Variants in HS2ST1 observed in about 807,000 individuals in gnomAD.
The protein encoded by HS2ST1 is heparan sulfate 2-O-sulfotransferase 1, also known as 2-O-sulfotransferase.
A neutral mutation model predicts 42.9 loss-of-function variants in HS2ST1; 18 were observed. That is an observed-to-expected ratio of 0.42 (90% CI 0.29 to 0.62). HS2ST1 has a LOEUF of 0.62. HS2ST1 is among the 20% of genes least tolerant of loss of function. The probability of loss-of-function intolerance (pLI) is 0.21; values close to 1 mark genes in which losing one functional copy is unlikely to be tolerated. For missense variants in HS2ST1, 334 were observed against 433.8 expected, an observed-to-expected ratio of 0.77 and a Z score of 2.04; for synonymous variants, 146 against 152.9, an observed-to-expected ratio of 0.95 and a Z score of 0.33.
At chr1:86,966,930 T>C (rs958372755) in intron 1 of HS2ST1, among the ~76,000 whole-genome samples, 1 of 152,028 alleles carries the variant, frequency 6.6e-6, no homozygotes, top group African/African-American at 2.4e-5. Flanking sequence ...TCGCTCTTGT[T>C]GCCCAGGCTG....
intron 1 of HS2ST1, among the ~76,000 whole-genome samples, chr1:86,938,872 T>C (rs752611139): frequency 5.3e-5 from 8 of 152,182 alleles, no homozygotes; most frequent in Non-Finnish European, 1.0e-4. Context: ...AAACTGCTAT[T>C]ACGACAAAGT....
At chr1:86,970,919 A>G (rs1307875457) in intron 1 of HS2ST1, among the ~76,000 whole-genome samples, 3 of 152,280 alleles carry the variant, frequency 2.0e-5, no homozygotes, top group African/African-American at 4.8e-5. Flanking sequence ...TATATATATA[A>G]TAGATGCCAG....
intron 3 of HS2ST1, 75 bp from the exon 4 acceptor site, chr1:87,092,456 A>G (rs903299876): frequency 1.0e-6 from 1 of 996,450 alleles, no homozygotes; most frequent in Non-Finnish European, 1.4e-6. Context: ...CTTCAGACTT[A>G]AACATGTAAT....
intron 1 of HS2ST1, among the ~76,000 whole-genome samples, chr1:86,977,052 A>C (rs1249751796): frequency 6.6e-6 from 1 of 152,140 alleles, no homozygotes; most frequent in Non-Finnish European, 1.5e-5. Context: ...CTTGTCTCAA[A>C]AAACAAAACA....
rs1359430359 is a variant in HS2ST1, at chr1:87,005,920, T to C, written c.125-67014T>C. Among the ~76,000 whole-genome samples the C allele has an allele frequency of 2.0e-5, 3 of 152,170 alleles. No homozygotes were observed. In the East Asian group the frequency reaches 5.8e-4, roughly 29 times the overall value. Reference sequence around the variant, plus strand: ...AGATTACGTTACTGTTGTCTCTACTTCTTCCATGTAAAGAAAATATCCTCA... The same window carrying C: ...AGATTACGTTACTGTTGTCTCTACTCCTTCCATGTAAAGAAAATATCCTCA... On this transcript the variant is annotated intron_variant, in intron 1 of 6. Transcript: ENST00000370550.
chr1:86,939,109 T>A (rs753901016), intron 1 of HS2ST1, among the ~76,000 whole-genome samples: 1 of 152,228 alleles, frequency 6.6e-6, no homozygotes, highest in Non-Finnish European at 1.5e-5. Context: ...TTACTGAGGT[T>A]ACTTTCAGTC....
intron 1 of HS2ST1, among the ~76,000 whole-genome samples, chr1:87,061,057 G>A (rs1651108347): frequency 6.6e-6 from 1 of 151,998 alleles, no homozygotes; most frequent in Non-Finnish European, 1.5e-5. Flanking sequence ...TAATGTGGAA[G>A]CATTATGTTT....
chr1:86,964,408 G>A (rs1478402689), intron 1 of HS2ST1, among the ~76,000 whole-genome samples: 1 of 152,250 alleles, frequency 6.6e-6, no homozygotes, highest in Non-Finnish European at 1.5e-5. Context: ...GGCCGAGGCT[G>A]GCAGATCACT....
chr1:86,994,806 G>A (rs776035826), intron 1 of HS2ST1, among the ~76,000 whole-genome samples: 13 of 151,878 alleles, frequency 8.6e-5, no homozygotes, highest in South Asian at 2.1e-4. Context: ...GTAGTACATC[G>A]ACCAAGTATC....
intron 1 of HS2ST1, among the ~76,000 whole-genome samples, chr1:87,038,281 C>G (rs1650433673): frequency 6.6e-6 from 1 of 152,166 alleles, no homozygotes; most frequent in Non-Finnish European, 1.5e-5. Context: ...CAAAGTCTAT[C>G]ACTACCACTG....
intron 1 of HS2ST1, among the ~76,000 whole-genome samples, chr1:87,004,666 T>TA: frequency 6.6e-6 from 1 of 152,164 alleles, no homozygotes. Flanking sequence ...ATTCCATCCA[T>TA]AGTTTGATAC....
At chr1:86,958,195 A>T (rs1283475406) in intron 1 of HS2ST1, among the ~76,000 whole-genome samples, 3 of 152,196 alleles carry the variant, frequency 2.0e-5, no homozygotes, top group Non-Finnish European at 4.4e-5. Flanking sequence ...GTAACTTTTG[A>T]CTTTCTAAAA....
At chr1:86,943,977 A>G (rs1398905635) in intron 1 of HS2ST1, among the ~76,000 whole-genome samples, 1 of 152,104 alleles carries the variant, frequency 6.6e-6, no homozygotes, top group Non-Finnish European at 1.5e-5. Context: ...CAGTGAGCCA[A>G]GACTGCGCCA....
intron 2 of HS2ST1, among the ~76,000 whole-genome samples, chr1:87,083,993 T>C (rs1264190194): frequency 6.6e-6 from 1 of 152,212 alleles, no homozygotes; most frequent in Non-Finnish European, 1.5e-5. Flanking sequence ...TTCACTCTTT[T>C]GTGAGTATAA....
intron 2 of HS2ST1, among the ~76,000 whole-genome samples, chr1:87,075,161 CTTTTT>C (rs34812948): frequency 2.1e-5 from 1 of 48,596 alleles, no homozygotes; most frequent in South Asian, 7.8e-4. Flanking sequence ...TCTCAGCTAC[CTTTTT>C]TTTTTTTTTT....
chr1:87,065,221 T>C (rs1015974672), intron 1 of HS2ST1, among the ~76,000 whole-genome samples: 1 of 152,216 alleles, frequency 6.6e-6, no homozygotes, highest in Non-Finnish European at 1.5e-5. Flanking sequence ...AGAGCAGTTA[T>C]TGGAGATGCA....
chr1:87,098,835 G>GC, intron 5 of HS2ST1, among the ~76,000 whole-genome samples: 1 of 152,142 alleles, frequency 6.6e-6, no homozygotes, highest in East Asian at 1.9e-4. Context: ...AAGCTGGAGT[G>GC]CAGGGGCACA....
chr1:86,928,575 A>G (rs1472609031), intron 1 of HS2ST1, among the ~76,000 whole-genome samples: 2 of 151,956 alleles, frequency 1.3e-5, no homozygotes, highest in Non-Finnish European at 2.9e-5. Context: ...GGATGTTCCC[A>G]GAATGTTATA....
intron 4 of HS2ST1, among the ~76,000 whole-genome samples, chr1:87,095,840 G>A (rs903973912): frequency 2.0e-5 from 3 of 151,886 alleles, no homozygotes; most frequent in Admixed American, 2.0e-4. Flanking sequence ...AAGCCATCAT[G>A]TTAACATAAA....
Sources: gnomAD v4.1 joint callset for allele counts (sites outside exome capture counted in the v4.1 genomes callset) on GRCh38, gnomAD v4.1.1 for gene constraint, MANE v1.5 for transcripts, NCBI Gene and HGNC (gene_info 2026-07-23, HGNC 2026-07-21) for gene names.